The following SGCD variants were observed in gnomAD, a reference collection of about 807,000 sequenced individuals.
SGCD encodes delta-sarcoglycan.
A neutral mutation model predicts 36.6 loss-of-function variants in SGCD; 18 were observed. The observed-to-expected ratio is 0.49, with a 90% confidence interval of 0.34 to 0.73. The LOEUF (loss-of-function observed/expected upper bound fraction) is 0.73, where lower values mean the gene tolerates loss of function less well. SGCD is among the 30% of genes least tolerant of loss of function. SGCD has a pLI of 0.01. For missense variants in SGCD, 387 were observed against 346.7 expected, an observed-to-expected ratio of 1.12 and a Z score of -0.92; for synonymous variants, 133 against 130.6, an observed-to-expected ratio of 1.02 and a Z score of -0.12.
Position 155,877,371 on chromosome 5 carries a change from T to A in SGCD, c.-282+6947T>A, listed in dbSNP as rs143337426. Among the ~76,000 whole-genome samples the A allele has an allele frequency of 2.1e-3, 321 of 152,252 alleles. 1 individual carries two copies. Among genetic ancestry groups the A allele is most frequent in the African/African-American group, 7.0e-3 (292 of 41,564 alleles). On this transcript the variant is annotated intron_variant, in intron 1 of 9. Transcript: ENST00000517913. ...TACTTGTCTAGCAATAGGATTTGGA[T>A]GTTAGTTTGAAGTTTAAGATAAAGT... is the stretch of plus-strand genomic sequence containing the variant.
intron 3 of SGCD, among the ~76,000 whole-genome samples, chr5:156,377,341 C>T (rs1011797673): frequency 5.9e-5 from 9 of 152,140 alleles, no homozygotes; most frequent in African/African-American, 1.9e-4. Context: ...CAACTCCCAT[C>T]GCATTATAAA....
intron 1 of SGCD, among the ~76,000 whole-genome samples, chr5:156,013,174 G>A (rs1374222871): frequency 1.3e-5 from 2 of 151,582 alleles, no homozygotes; most frequent in Non-Finnish European, 2.9e-5. Context: ...ATGGGCACAC[G>A]CCACCACACC....
rs376780156 is a variant in SGCD, at chr5:156,344,676, T to C, written c.191T>C (p.Ile64Thr). ...ATTCTCAAAGTCATGAACTTCACAA[T>C]TGTAAGTAAAACCATCTAGGTTTGT... The part of the protein sequence containing the change: ...IWILKVMNFT[I>T]DGMGNLRITE... Residue 64 changes from isoleucine to threonine, a missense_variant and splice_region_variant, in exon 3 of 9, where the codon ATT (isoleucine) becomes ACT (threonine). By Grantham distance (89) the Ile-to-Thr change is moderately conservative (BLOSUM62 -1). Transcript: ENST00000337851. 90 of 1,598,466 alleles carry C rather than the reference T, an allele frequency of 5.6e-5. No individual in the cohort carries two copies. Among genetic ancestry groups the C allele is most frequent in the Admixed American group, 1.0e-4 (6 of 57,774 alleles).
chr5:156,454,278 T>G (rs1754157757), intron 3 of SGCD, among the ~76,000 whole-genome samples: 1 of 152,070 alleles, frequency 6.6e-6, no homozygotes, highest in South Asian at 2.1e-4. Context: ...GTTATATCAG[T>G]GAGGGTCCAA....
intron 3 of SGCD, among the ~76,000 whole-genome samples, chr5:156,309,305 C>T (rs940381696): frequency 3.3e-5 from 5 of 152,192 alleles, no homozygotes; most frequent in Middle Eastern, 3.4e-3. Context: ...CCACAGATCC[C>T]TTAGGTTCTG....
intron 3 of SGCD, among the ~76,000 whole-genome samples, chr5:156,208,093 A>G (rs1318768662): frequency 2.0e-5 from 3 of 152,232 alleles, no homozygotes; most frequent in South Asian, 2.1e-4. Flanking sequence ...AAATTCTAAA[A>G]TACAAGTTAT....
chr5:156,501,252 T>G (rs1459907614), intron 3 of SGCD, among the ~76,000 whole-genome samples: 1 of 152,110 alleles, frequency 6.6e-6, no homozygotes, highest in African/African-American at 2.4e-5. Flanking sequence ...CACAGTTCAT[T>G]CAATGAGATT....
chr5:155,889,288 A>AT (rs966456971), intron 1 of SGCD, among the ~76,000 whole-genome samples: 37 of 151,858 alleles, frequency 2.4e-4, no homozygotes, highest in African/African-American at 7.5e-4. Context: ...CAAAAAAATG[A>AT]TTTTTTTTCT....
chr5:155,746,206 T>A, the SGCD span, among the ~76,000 whole-genome samples: 2 of 152,092 alleles, frequency 1.3e-5, no homozygotes, highest in East Asian at 3.9e-4. Context: ...GATCAAAATA[T>A]TGGATAATAA....
At chr5:156,327,683 CATTTT>C (rs1354049009) in intron 1 of SGCD, among the ~76,000 whole-genome samples, 1 of 152,128 alleles carries the variant, frequency 6.6e-6, no homozygotes, top group African/African-American at 2.4e-5. Flanking sequence ...AAATGGCTCT[CATTTT>C]AGGAGGGAAT....
intron 4 of SGCD, among the ~76,000 whole-genome samples, chr5:156,519,282 G>A (rs575982663): frequency 6.6e-6 from 1 of 152,056 alleles, no homozygotes; most frequent in African/African-American, 2.4e-5. Flanking sequence ...GACTGAATGA[G>A]GAAAAAGTTG....
chr5:156,695,224 T>C (rs547151293), intron 7 of SGCD, among the ~76,000 whole-genome samples: 2 of 152,152 alleles, frequency 1.3e-5, no homozygotes, highest in South Asian at 4.1e-4. Flanking sequence ...AACATGGGTC[T>C]AGATGTGTGT....
chr5:156,696,021 A>G (rs1306852186), intron 7 of SGCD, among the ~76,000 whole-genome samples: 1 of 151,054 alleles, frequency 6.6e-6, no homozygotes, highest in Non-Finnish European at 1.5e-5. Flanking sequence ...CTCAAGGCCT[A>G]CCAGCCAATT....
chr5:156,335,853 A>G (rs943350737), intron 2 of SGCD, among the ~76,000 whole-genome samples: 2 of 152,018 alleles, frequency 1.3e-5, no homozygotes, highest in East Asian at 3.9e-4. Flanking sequence ...CCAGCTTCTC[A>G]CCCACCTGTC....
chr5:156,710,211 A>G (rs1341161465), intron 7 of SGCD, among the ~76,000 whole-genome samples: 2 of 152,186 alleles, frequency 1.3e-5, no homozygotes, highest in Non-Finnish European at 2.9e-5. Context: ...CTTGATGGAG[A>G]AGAGGTGCTC....
the SGCD span, among the ~76,000 whole-genome samples, chr5:155,839,350 CA>C: frequency 6.6e-6 from 1 of 151,970 alleles, no homozygotes; most frequent in Non-Finnish European, 1.5e-5. Flanking sequence ...GGGAGGCCAG[CA>C]AAAAAATTTG....
chr5:156,001,805 C>T (rs191474432), intron 1 of SGCD, among the ~76,000 whole-genome samples: 101 of 152,332 alleles, frequency 6.6e-4, no homozygotes, highest in African/African-American at 2.2e-3. Context: ...AAGCAGGACT[C>T]GGGCGGAGCC....
chr5:155,952,737 C>T (rs1249639740), intron 1 of SGCD, among the ~76,000 whole-genome samples: 1 of 152,192 alleles, frequency 6.6e-6, no homozygotes, highest in Non-Finnish European at 1.5e-5. Context: ...CAAGAAAATC[C>T]CTGTCATTAT....
rs1760943576 is a variant in SGCD at position 156,596,828 on chromosome 5, C to T, written c.502+1777C>T. On this transcript the variant is annotated intron_variant, in intron 6 of 8. Coordinates refer to ENST00000337851, the MANE Select transcript of SGCD (RefSeq NM_000337.6). ...CTTGAATGCCTATCATGGTCAAATG[C>T]ACGCATATGTACATGTGTGCATATA... 2.0e-5 allele frequency among the ~76,000 whole-genome samples: 3 copies of T among 152,098 alleles called. No homozygotes were observed. The South Asian group carries it at 6.2e-4, about 32-fold the overall frequency.
Sources: gnomAD v4.1 joint callset for allele counts (sites outside exome capture counted in the v4.1 genomes callset) on GRCh38, gnomAD v4.1.1 for gene constraint, MANE v1.5 for transcripts, NCBI Gene and HGNC (gene_info 2026-07-23, HGNC 2026-07-21) for gene names.